Variants in ZNF460 observed in about 807,000 individuals in gnomAD.
ZNF460 encodes zinc finger protein 272.
Under a neutral mutation model 8.4 loss-of-function variants are expected in ZNF460, and 1 was observed. The ratio of observed to expected loss-of-function variants is 0.12; its 90% CI spans 0.04 to 0.56. ZNF460 has a LOEUF of 0.56. ZNF460 is among the 20% of genes least tolerant of loss of function. The pLI is 0.91. For synonymous variants in ZNF460, 262 were observed against 259.9 expected (o/e 1.01, Z -0.08); for missense variants, 477 against 714.8 (o/e 0.67, Z 3.79).
chr19:57,288,894 A>C (rs1417407134), intron 2 of ZNF460, among the ~76,000 whole-genome samples: 9 of 136,646 alleles, frequency 6.6e-5, no homozygotes, highest in African/African-American at 2.5e-4. Context: ...TATTATTATT[A>C]CTTTTTTTTT....
rs2087913076 is a variant in ZNF460 at position 57,290,937 on chromosome 19, T to C, written c.396T>C (p.Ala132=). ...MSLEHEGLAT[A]DGICSMMIQN... is the part of the protein sequence containing the mutation. ...TTGAACACGAAGGTTTGGCGACAGC[T>C]GATGGTATTTGTTCAATGATGATAC... Residue 132 remains alanine, a synonymous_variant, in exon 3 of 3, where the codon GCT becomes GCC. Transcript: ENST00000360338. 4.3e-6 allele frequency: 7 copies of C among 1,614,100 alleles called. No homozygotes were observed. Among genetic ancestry groups the C allele is most frequent in the South Asian group, 1.1e-5 (1 of 91,088 alleles).
intron 2 of ZNF460, among the ~76,000 whole-genome samples, chr19:57,286,981 A>G (rs2087884129): frequency 6.8e-6 from 1 of 147,942 alleles, no homozygotes; most frequent in African/African-American, 2.5e-5. Context: ...AAAAAAAAAA[A>G]AGTCCACTCA....
intron 1 of ZNF460, among the ~76,000 whole-genome samples, chr19:57,283,006 G>C (rs2047550723): frequency 1.3e-5 from 2 of 151,708 alleles, no homozygotes; most frequent in African/African-American, 4.8e-5. Flanking sequence ...AAAAAAGAGA[G>C]AGACATGAAC....
intron 2 of ZNF460, 108 bp downstream of exon 2, chr19:57,284,785 G>GGAGGGCTGGCT: frequency 8.2e-7 from 1 of 1,214,240 alleles, no homozygotes; most frequent in Non-Finnish European, 1.1e-6. Context: ...TTGGGAGCCA[G>GGAGGGCTGGCT]CCCTCCTGTT....
In ZNF460 at chr19:57,280,612, A is replaced by T; in HGVS notation, c.-195A>T. On this transcript the variant is annotated 5_prime_UTR_variant, in exon 1 of 3. Coordinates refer to ENST00000360338, the MANE Select transcript of ZNF460 (RefSeq NM_006635.4). The stretch of plus-strand genomic sequence containing the variant: ...CTGACGCCCCGCTTCTCCCCTAACG[A>T]GGTGTCCCACCGGCGCCCGCCGAGG... 1.5e-6 allele frequency: 1 copy of T among 669,482 alleles called. No homozygotes were observed. Among genetic ancestry groups the T allele is most frequent in the Non-Finnish European group, 2.5e-6 (1 of 400,646 alleles). 41.5% of individuals were successfully genotyped at this position (669,482 alleles called of 1,614,324 possible).
intron 1 of ZNF460, chr19:57,281,942 T>C (rs1222246809): frequency 6.6e-6 from 1 of 152,174 alleles, no homozygotes; most frequent in African/African-American, 2.4e-5. Flanking sequence ...AGCTCTTAAG[T>C]TTCTTAAGTC....
intron 1 of ZNF460, among the ~76,000 whole-genome samples, chr19:57,282,156 T>C (rs1421203344): frequency 6.6e-6 from 1 of 152,176 alleles, no homozygotes; most frequent in Non-Finnish European, 1.5e-5. Context: ...GTATATTGGT[T>C]GTTTAAGGAG....
chr19:57,280,971 C>A (rs932049889), intron 1 of ZNF460, 135 bp downstream of exon 1: 40 of 1,317,078 alleles, frequency 3.0e-5, no homozygotes, highest in Non-Finnish European at 3.9e-5. Context: ...CGTGGCTTGT[C>A]ATTTCCTTTA....
chr19:57,281,571 T>TTC (rs2087840255), intron 1 of ZNF460, among the ~76,000 whole-genome samples: 1 of 141,224 alleles, frequency 7.1e-6, no homozygotes, highest in South Asian at 2.4e-4. Flanking sequence ...TTTTTTTTTT[T>TTC]TTTTTTTTTT....
Position 57,293,761 on chromosome 19 carries a change from A to AATCTCT in ZNF460, c.*1536_*1541dup, listed in dbSNP as rs1276056861. 1 of 152,074 alleles carries AATCTCT rather than the reference A, an allele frequency of 6.6e-6. No homozygotes were observed. Among genetic ancestry groups the AATCTCT allele is most frequent in the Non-Finnish European group, 1.5e-5 (1 of 68,024 alleles). The allele number at this position is 152,074 out of a possible 1,614,324, so 9.4% of individuals were successfully genotyped here. A position where few individuals can be genotyped will look rare whatever the true frequency, so the allele number is the denominator to read the frequency against. On this transcript the variant is annotated 3_prime_UTR_variant, in exon 3 of 3. Transcript: ENST00000360338. The stretch of plus-strand genomic sequence containing the variant: ...TGCTGTAATTTTGTATTTGTTAACC[A>AATCTCT]ATCTCTATCTGCCTCTCTGCTGTCC...
chr19:57,291,812 A>G lies in ZNF460; in HGVS notation c.1271A>G (p.Gln424Arg), dbSNP rs766217221. Residue 424 changes from glutamine (Q) to arginine (R), a missense_variant, in exon 3 of 3, where the codon CAG becomes CGG. Gln to Arg is a conservative substitution (Grantham distance 43). Around this residue, in one of 5 missense-constraint regions of ZNF460, gnomAD observed 193 missense variants for 391.7 expected, o/e 0.49. Coordinates refer to ENST00000360338, the MANE Select transcript of ZNF460 (RefSeq NM_006635.4). The surrounding 1 kb of genome is among the most constrained non-coding windows in gnomAD (Gnocchi z 8.4). ...HTGEKPYECLQCGKAFTRMSG... is the reference protein window; with the variant it reads ...HTGEKPYECLRCGKAFTRMSG... ...GGAGAGAAGCCCTATGAGTGTTTAC[A>G]GTGTGGAAAGGCTTTTACCCGCATG... 2.5e-6 allele frequency: 4 copies of G among 1,614,178 alleles called. No homozygotes were observed. Among genetic ancestry groups the G allele is most frequent in the Admixed American group, 3.3e-5 (2 of 60,026 alleles).
chr19:57,291,065 A>C lies in ZNF460; in HGVS notation c.524A>C (p.Glu175Ala). The C allele has an allele frequency of 1.9e-6, 3 of 1,614,238 alleles. No individual in the cohort carries two copies. Among genetic ancestry groups the C allele is most frequent in the Non-Finnish European group, 2.5e-6 (3 of 1,180,044 alleles). Residue 175 changes from glutamate (E) to alanine (A), a missense_variant, in exon 3 of 3, where the codon GAA becomes GCA. Physicochemically the swap from Glu to Ala is moderately radical, Grantham distance 107 (BLOSUM62 -1). Around this residue, in one of 5 missense-constraint regions of ZNF460, gnomAD observed 169 missense variants for 178.6 expected, o/e 0.95. Transcript: ENST00000360338. This position sits in a 1 kb window ranked among gnomAD's most constrained non-coding sequence, Gnocchi z 8.4. Reference protein sequence around the residue: ...HEGENSYKFEEMFNENCFLVQ... With the variant: ...HEGENSYKFEAMFNENCFLVQ... ...GGGGAAAATTCCTATAAATTCGAGG[A>C]AATGTTTAATGAGAATTGCTTCCTT...
At chr19:57,288,015 A>G (rs924421122) in intron 2 of ZNF460, among the ~76,000 whole-genome samples, 7 of 152,016 alleles carry the variant, frequency 4.6e-5, no homozygotes, top group Admixed American at 2.6e-4. Flanking sequence ...AAAAAAAACC[A>G]TCATTTCATT....
rs376697100 is a variant in ZNF460 at position 57,290,829 on chromosome 19, A to C, written c.288A>C (p.Gln96His). 2 of 1,614,088 alleles carry C rather than the reference A, an allele frequency of 1.2e-6. No individual in the cohort carries two copies. Among genetic ancestry groups the C allele is most frequent in the Non-Finnish European group, 1.7e-6 (2 of 1,180,050 alleles). Residue 96 changes from glutamine (Q) to histidine (H), a missense_variant, in exon 3 of 3, where the codon CAA becomes CAC. This residue lies in a region of ZNF460 where 169 missense variants were observed against 178.6 expected (regional missense o/e 0.95). Transcript: ENST00000360338. Reference protein sequence around the residue: ...RYSYLGQAMDQDGPSEMQEYF... With the variant: ...RYSYLGQAMDHDGPSEMQEYF... ...CCTATTTGGGGCAGGCCATGGATCA[A>C]GATGGGCCATCTGAAATGCAGGAAT...
Position 57,292,549 on chromosome 19 carries a change from T to C in ZNF460, c.*319T>C, listed in dbSNP as rs374138644. 22 of 234,728 alleles carry C rather than the reference T, an allele frequency of 9.4e-5. No individual in the cohort carries two copies. Among genetic ancestry groups the C allele is most frequent in the East Asian group, 3.7e-4 (4 of 10,690 alleles). The allele number at this position is 234,728 out of a possible 1,614,324, so 14.5% of individuals were successfully genotyped here. On this transcript the variant is annotated 3_prime_UTR_variant, in exon 3 of 3. Coordinates refer to ENST00000360338, the MANE Select transcript of ZNF460 (RefSeq NM_006635.4). ...AAAACCTTCAGCCACATCTTTCTTA[T>C]TAGTTTACAGTGAAATGTTATCTCA...
At chr19:57,280,458 G>A (rs1294627564), upstream of ZNF460, 9 of 311,332 alleles carry the variant, frequency 2.9e-5, no homozygotes, top group Non-Finnish European at 5.5e-5. Flanking sequence ...TTCGTGTGAC[G>A]TCATCTCCGT....
In ZNF460 at chr19:57,284,733, T is replaced by C. The variant is rs1009633366; in HGVS notation, c.157+56T>C. ...GGGGCACCAGAAAGCAGCTTCATTC[T>C]AGCCTTCATCCTGGCTCCAGGCCTG... is the stretch of plus-strand genomic sequence containing the variant. On this transcript the variant is annotated intron_variant, in intron 2 of 2. Transcript: ENST00000360338. 88 of 1,511,374 alleles carry C rather than the reference T, an allele frequency of 5.8e-5. No homozygotes were observed. In the African/African-American group the frequency reaches 1.0e-3, roughly 17 times the overall value. 93.6% of individuals were successfully genotyped at this position (1,511,374 alleles called of 1,614,324 possible).
chr19:57,287,805 A>G (rs2087889932), intron 2 of ZNF460, among the ~76,000 whole-genome samples: 1 of 152,178 alleles, frequency 6.6e-6, no homozygotes, highest in Non-Finnish European at 1.5e-5. Flanking sequence ...CCTGGCCATC[A>G]TGGTGAAACC....
chr19:57,285,249 A>G (rs1176851075), intron 2 of ZNF460, among the ~76,000 whole-genome samples: 2 of 152,214 alleles, frequency 1.3e-5, no homozygotes, highest in Non-Finnish European at 2.9e-5. Context: ...GATGTTTTGT[A>G]GAACCCAAAG....
Sources: allele counts gnomAD v4.1 joint callset (sites outside exome capture counted in the v4.1 genomes callset), GRCh38; gene constraint gnomAD v4.1.1; regional missense constraint gnomAD v4.1.1; non-coding constraint Gnocchi (gnomAD v3.1); transcripts MANE v1.5; gene names NCBI Gene and HGNC (gene_info 2026-07-23, HGNC 2026-07-21).